Variants in PDE4D observed in about 807,000 individuals in gnomAD.
The protein encoded by PDE4D is phosphodiesterase 4D, also known as 3',5'-cyclic-AMP phosphodiesterase 4D.
Under a neutral mutation model 87.4 loss-of-function variants are expected in PDE4D, and 24 were observed. That is an observed-to-expected ratio of 0.27 (90% confidence interval 0.20 to 0.39). PDE4D has a LOEUF of 0.39. PDE4D is among the 10% of genes least tolerant of loss of function. The pLI, the probability that PDE4D is intolerant of heterozygous loss-of-function variation, is 1.00. For synonymous variants in PDE4D, 384 were observed against 383.2 expected (o/e 1.00, Z -0.02); for missense variants, 714 against 1,041.0 (o/e 0.69, Z 4.32).
intron 1 of PDE4D, among the ~76,000 whole-genome samples, chr5:60,234,580 A>G (rs911024681): frequency 6.6e-6 from 1 of 151,870 alleles, no homozygotes; most frequent in Admixed American, 6.6e-5. Context: ...TGAAAATTCC[A>G]ATTTCTCTCT....
intron 1 of PDE4D, among the ~76,000 whole-genome samples, chr5:59,763,263 A>G (rs1015888957): frequency 6.6e-6 from 1 of 151,940 alleles, no homozygotes. Flanking sequence ...AGCATGGCAC[A>G]TGTATACATA....
intron 2 of PDE4D, among the ~76,000 whole-genome samples, chr5:60,128,793 A>G (rs1779335996): frequency 6.6e-6 from 1 of 152,228 alleles, no homozygotes; most frequent in Admixed American, 6.5e-5. Context: ...TTTATCTCTC[A>G]TTGATTCACT....
chr5:60,077,408 C>G (rs1287769439), intron 2 of PDE4D, among the ~76,000 whole-genome samples: 1 of 152,128 alleles, frequency 6.6e-6, no homozygotes, highest in African/African-American at 2.4e-5. Context: ...AACAAGCATG[C>G]TGGTGTCTGC....
At chr5:59,041,405 C>A (rs1320230363) in intron 5 of PDE4D, among the ~76,000 whole-genome samples, 1 of 152,168 alleles carries the variant, frequency 6.6e-6, no homozygotes, top group Non-Finnish European at 1.5e-5. Context: ...TATAGCATCA[C>A]CTAGTTGCCA....
chr5:59,810,842 G>A (rs1768273734), intron 1 of PDE4D, among the ~76,000 whole-genome samples: 1 of 152,096 alleles, frequency 6.6e-6, no homozygotes, highest in African/African-American at 2.4e-5. Flanking sequence ...TTGTGGATTT[G>A]GGCAACAGCT....
intron 5 of PDE4D, among the ~76,000 whole-genome samples, chr5:59,056,632 A>G (rs1416354869): frequency 6.6e-6 from 1 of 151,554 alleles, no homozygotes; most frequent in Non-Finnish European, 1.5e-5. Flanking sequence ...CCAGTGTGTG[A>G]TGTTCCCCTC....
At chr5:59,872,365 T>A (rs1046968821) in intron 1 of PDE4D, among the ~76,000 whole-genome samples, 1 of 151,784 alleles carries the variant, frequency 6.6e-6, no homozygotes, top group African/African-American at 2.4e-5. Context: ...AATTTGGAAA[T>A]GAAGGTTCTT....
intron 3 of PDE4D, among the ~76,000 whole-genome samples, chr5:59,189,232 G>GTTTTTTTTTTGTTTTT (rs1561662951): frequency 3.0e-5 from 3 of 99,898 alleles, no homozygotes; most frequent in African/African-American, 6.8e-5. Flanking sequence ...TTCCTACCCC[G>GTTTTTTTTTTGTTTTT]TTTTTTTTTT....
chr5:59,070,882 C>T (rs1764678164), intron 5 of PDE4D, among the ~76,000 whole-genome samples: 1 of 152,150 alleles, frequency 6.6e-6, no homozygotes, highest in Admixed American at 6.5e-5. Context: ...GGTTATTCTC[C>T]ATGTCTCTTG....
intron 1 of PDE4D, among the ~76,000 whole-genome samples, chr5:59,877,227 T>C (rs1353212251): frequency 6.6e-6 from 1 of 152,126 alleles, no homozygotes; most frequent in Admixed American, 6.5e-5. Flanking sequence ...GCATGTTCGT[T>C]TGGTTGTTTG....
At chr5:59,736,026 A>C (rs1758018466) in intron 1 of PDE4D, among the ~76,000 whole-genome samples, 1 of 152,086 alleles carries the variant, frequency 6.6e-6, no homozygotes, top group South Asian at 2.1e-4. Context: ...AAGACTAGAA[A>C]TAGTTGCTTA....
chr5:59,642,111 T>C (rs1219016580), intron 1 of PDE4D, among the ~76,000 whole-genome samples: 1 of 152,128 alleles, frequency 6.6e-6, no homozygotes, highest in African/African-American at 2.4e-5. Flanking sequence ...AGGAGATACA[T>C]ATAGAATGAT....
intron 2 of PDE4D, among the ~76,000 whole-genome samples, chr5:60,163,884 C>T (rs1425797845): frequency 6.6e-6 from 1 of 152,140 alleles, no homozygotes; most frequent in Non-Finnish European, 1.5e-5. Context: ...CCCAGGACAT[C>T]CCCATTGACT....
At chr5:59,555,222 T>C (rs1001300558) in intron 1 of PDE4D, among the ~76,000 whole-genome samples, 5 of 152,148 alleles carry the variant, frequency 3.3e-5, no homozygotes, top group African/African-American at 9.7e-5. Flanking sequence ...GCTAGAGGCA[T>C]TATCCTTAGC....
chr5:59,586,678 T>G, intron 1 of PDE4D: 1 of 985,424 alleles, frequency 1.0e-6, no homozygotes, highest in Non-Finnish European at 1.2e-6. Context: ...TAATCCTAAA[T>G]GGTGGCAAAT....
intron 1 of PDE4D, among the ~76,000 whole-genome samples, chr5:60,259,576 A>G (rs1371651998): frequency 6.6e-6 from 1 of 152,056 alleles, no homozygotes; most frequent in East Asian, 1.9e-4. Context: ...CAGATTCCTG[A>G]TCATAGATAT....
intron 5 of PDE4D, among the ~76,000 whole-genome samples, chr5:59,151,510 C>G (rs1364025248): frequency 6.6e-6 from 1 of 152,162 alleles, no homozygotes; most frequent in Non-Finnish European, 1.5e-5. Flanking sequence ...GAGGCATTAT[C>G]TTTTTCCAGT....
chr5:60,353,333 C>T (rs548361941), intron 1 of PDE4D, among the ~76,000 whole-genome samples: 1 of 152,356 alleles, frequency 6.6e-6, no homozygotes, highest in African/African-American at 2.4e-5. Context: ...CCAAATCATA[C>T]ACTCCTCACT....
rs528866647 is a variant in PDE4D at position 59,891,475 on chromosome 5, G to A, written c.455+1693C>T. On this transcript the variant is annotated intron_variant, in intron 1 of 14. Coordinates refer to ENST00000340635, the MANE Select transcript of PDE4D (RefSeq NM_001104631.2). ...TCATTGGGGTCCTACATAGTGTCGT[G>A]CTCAACCAAAGGGGAGAGAGAAGGA... Among the ~76,000 whole-genome samples, 3 of 152,286 alleles carry A rather than the reference G, an allele frequency of 2.0e-5. No homozygotes were observed. The East Asian group carries it at 5.8e-4, about 29-fold the overall frequency.
Sources: allele counts gnomAD v4.1 joint callset (sites outside exome capture counted in the v4.1 genomes callset), GRCh38; gene constraint gnomAD v4.1.1; transcripts MANE v1.5; gene names NCBI Gene and HGNC (gene_info 2026-07-23, HGNC 2026-07-21).